The following SEMA4B variants were observed in gnomAD, a reference collection of about 807,000 sequenced individuals.
SEMA4B encodes the protein semaphorin 4B, also known as semaphorin-4B.
Under a neutral mutation model 88.1 loss-of-function variants are expected in SEMA4B, and 55 were observed. The ratio of observed to expected loss-of-function variants is 0.62; its 90% CI spans 0.50 to 0.78. The LOEUF (loss-of-function observed/expected upper bound fraction) is 0.78. Among genes scored for constraint, SEMA4B ranks in the 30% least tolerant of loss-of-function variants. The pLI is 0.00. For synonymous variants in SEMA4B, 525 were observed against 473.6 expected (o/e 1.11, Z -1.41); for missense variants, 1,062 against 1,111.9 (o/e 0.96, Z 0.64).
In SEMA4B at chr15:90,227,959, C is replaced by A. The variant is rs754451921; in HGVS notation, c.1830C>A (p.Ala610=). ...AGCCCAACACAGTGAACACTTTGGC[C>A]TGCCCGCTCCTCTCCAACCTGGCGA... is the stretch of plus-strand genomic sequence containing the variant. ...QFQPNTVNTL[A]CPLLSNLATR... Residue 610 remains alanine (A), a synonymous_variant, in exon 14 of 14, where the codon GCC becomes GCA. Coordinates refer to ENST00000411539, the MANE Select transcript of SEMA4B (RefSeq NM_198925.4). 2 of 1,613,604 alleles carry A rather than the reference C, an allele frequency of 1.2e-6. No individual in the cohort carries two copies. The highest frequency in any genetic ancestry group is 1.7e-6 in the Non-Finnish European group (2 of 1,179,876).
chr15:90,220,303 G>A (rs1023340426), intron 4 of SEMA4B: 5 of 174,260 alleles, frequency 2.9e-5, no homozygotes, highest in African/African-American at 7.2e-5. Context: ...ACACACCTGG[G>A]TTTGAATCAC....
At chr15:90,219,410 A>G in intron 3 of SEMA4B, 1 of 176,536 alleles carries the variant, frequency 5.7e-6, no homozygotes, top group Admixed American at 6.0e-5. Flanking sequence ...TTCAGGGTTC[A>G]GGGCTGAGCA....
intron 1 of SEMA4B, among the ~76,000 whole-genome samples, chr15:90,204,065 C>A (rs1960875250): frequency 6.6e-6 from 1 of 152,200 alleles, no homozygotes; most frequent in South Asian, 2.1e-4. Context: ...ACTGAACAGG[C>A]TCACCCTTGA....
chr15:90,186,703 C>T (rs1344571485), intron 1 of SEMA4B, among the ~76,000 whole-genome samples: 1 of 152,014 alleles, frequency 6.6e-6, no homozygotes, highest in African/African-American at 2.4e-5. Flanking sequence ...TTTGGGAGGC[C>T]GAGATGGGCG....
At chr15:90,220,181 C>A in intron 4 of SEMA4B, 1 of 372,702 alleles carries the variant, frequency 2.7e-6, no homozygotes, top group South Asian at 4.4e-5. Context: ...AGCATCTCTC[C>A]CTCTCCTTTG....
upstream of SEMA4B, among the ~76,000 whole-genome samples, chr15:90,201,144 G>A (rs1033159619): frequency 2.0e-5 from 3 of 152,128 alleles, no homozygotes; most frequent in African/African-American, 7.2e-5. Context: ...GGGAGCTGGG[G>A]GTCGGCTTTC....
chr15:90,203,373 A>G (rs1960836151), intron 1 of SEMA4B, among the ~76,000 whole-genome samples: 2 of 152,128 alleles, frequency 1.3e-5, no homozygotes, highest in South Asian at 4.1e-4. Flanking sequence ...TTTTGGGAGA[A>G]GGCAGGGTGA....
intron 7 of SEMA4B, among the ~76,000 whole-genome samples, chr15:90,222,971 T>TATATATATACA (rs3029968): frequency 4.0e-4 from 49 of 123,662 alleles, no homozygotes; most frequent in African/African-American, 7.9e-4. Flanking sequence ...TATATATACA[T>TATATATATACA]TTTTTTTTTT....
upstream of SEMA4B, among the ~76,000 whole-genome samples, chr15:90,199,067 A>T (rs12904441): frequency 0.21 from 31,206 of 151,878 alleles, 4,225 homozygotes; most frequent in African/African-American, 0.38. Context: ...AGAGATGGGG[A>T]TTCACCATGT....
At chr15:90,203,120 C>G (rs1177730848) in intron 1 of SEMA4B, among the ~76,000 whole-genome samples, 3 of 152,222 alleles carry the variant, frequency 2.0e-5, no homozygotes, top group Non-Finnish European at 4.4e-5. Flanking sequence ...GTCGTTAGGA[C>G]AGGGCCTGGT....
intron 4 of SEMA4B, among the ~76,000 whole-genome samples, chr15:90,220,731 G>A (rs1045337488): frequency 7.3e-5 from 9 of 123,722 alleles, no homozygotes; most frequent in East Asian, 6.1e-4. Context: ...TGTGTCCCGC[G>A]TCGGGTCACT....
Position 90,228,367 on chromosome 15 carries a change from C to T in SEMA4B, c.2238C>T (p.Val746=). ...LLYRHRNSMK[V]FLKQGECASV... ...ACCGGCACCGGAACAGCATGAAAGTCTTCCTGAAGCAGGGGGAATGTGCCA... is the reference window on the plus strand; with the variant it reads ...ACCGGCACCGGAACAGCATGAAAGTTTTCCTGAAGCAGGGGGAATGTGCCA... Residue 746 remains valine (V), a synonymous_variant, in exon 14 of 14, where the codon GTC becomes GTT. Transcript: ENST00000411539. The T allele has an allele frequency of 6.2e-7, 1 of 1,600,370 alleles. No homozygotes were observed. The highest frequency in any genetic ancestry group is 8.5e-7 in the Non-Finnish European group (1 of 1,172,830).
At position 90,188,215 on chromosome 15, in the gene SEMA4B, G is replaced by T. The variant is rs1960231373; in HGVS notation, c.-122+3134G>T. Among the ~76,000 whole-genome samples, 3 of 151,378 alleles carry T rather than the reference G, an allele frequency of 2.0e-5. No homozygotes were observed. In the South Asian group the frequency reaches 6.3e-4, roughly 32 times the overall value. ...ATGCCTGTAGTGTCAGCTATCCAGG[G>T]CGCTGAGGTAGAAGGATCACCTGAG... is the stretch of plus-strand genomic sequence containing the variant. On this transcript the variant is annotated intron_variant, in intron 1 of 14. Coordinates refer to the SEMA4B transcript ENST00000332496.
At chr15:90,185,496 G>T (rs1003225776) in intron 1 of SEMA4B, among the ~76,000 whole-genome samples, 1 of 152,230 alleles carries the variant, frequency 6.6e-6, no homozygotes, top group South Asian at 2.1e-4. Context: ...GCACCAAGGT[G>T]CTAGAAGGAG....
chr15:90,219,725 G>GA (rs1370515788), intron 3 of SEMA4B, 68 bp from the exon 4 acceptor site: 3 of 1,269,166 alleles, frequency 2.4e-6, no homozygotes, highest in African/African-American at 1.5e-5. Context: ...TGGAAGGGGG[G>GA]GCTCGGCGGT....
At chr15:90,193,591 T>C (rs1046819499) in intron 1 of SEMA4B, 2 of 152,232 alleles carry the variant, frequency 1.3e-5, no homozygotes, top group African/African-American at 2.4e-5. Flanking sequence ...CATCAGCCCC[T>C]GTCTCCTCTG....
At chr15:90,217,945 A>G (rs963758587) in intron 3 of SEMA4B, 116 bp downstream of exon 3, 3 of 845,712 alleles carry the variant, frequency 3.5e-6, no homozygotes, top group African/African-American at 3.4e-5. Context: ...TGGGAAGGGC[A>G]TAAGCTTCTG....
Position 90,195,960 on chromosome 15 carries a change from A to AC in SEMA4B, c.-121-5496dup, listed in dbSNP as rs570218204. On this transcript the variant is annotated intron_variant, in intron 1 of 14. Transcript: ENST00000332496. ...TTTCGAGACGGAGTCTCGCTCTGTC[A>AC]CCAGGCTGGAGTGCAGTGGCGCGAT... Among the ~76,000 whole-genome samples, 505 of 98,656 alleles carry AC rather than the reference A, an allele frequency of 5.1e-3. 6 individuals are homozygous for AC. The highest frequency in any genetic ancestry group is 0.022 in the African/African-American group (484 of 22,114). The allele number at this position is 98,656 out of a possible 152,430, so 64.7% of individuals were successfully genotyped here. A position where few individuals can be genotyped will look rare whatever the true frequency, so the allele number is the denominator to read the frequency against.
At chr15:90,215,769 G>A (rs1333526037) in intron 1 of SEMA4B, among the ~76,000 whole-genome samples, 1 of 152,130 alleles carries the variant, frequency 6.6e-6, no homozygotes, top group Non-Finnish European at 1.5e-5. Flanking sequence ...CCGAGATCAT[G>A]CCAGTGCACT....
Sources: allele counts gnomAD v4.1 joint callset (sites outside exome capture counted in the v4.1 genomes callset), GRCh38; gene constraint gnomAD v4.1.1; transcripts MANE v1.5; gene names NCBI Gene and HGNC (gene_info 2026-07-23, HGNC 2026-07-21).